ARHGAP26: variants seen among roughly 807,000 people sequenced by gnomAD.
The protein encoded by ARHGAP26 is Rho GTPase activating protein 26, also known as rho GTPase-activating protein 26.
A neutral mutation model predicts 104.8 loss-of-function variants in ARHGAP26; 38 were observed. The observed-to-expected ratio is 0.36, with a 90% confidence interval of 0.28 to 0.48. ARHGAP26 has a LOEUF of 0.48. Among genes scored for constraint, ARHGAP26 ranks in the 20% least tolerant of loss-of-function variants. ARHGAP26 has a pLI of 0.99. For synonymous variants in ARHGAP26, 341 were observed against 340.0 expected (o/e 1.00, Z -0.03); for missense variants, 704 against 947.9 (o/e 0.74, Z 3.38).
chr5:143,218,897 A>G (rs1177998916), intron 22 of ARHGAP26, among the ~76,000 whole-genome samples: 2 of 152,184 alleles, frequency 1.3e-5, no homozygotes, highest in Non-Finnish European at 1.5e-5. Context: ...TTCATTGTCT[A>G]CCAGCTATTA....
intron 18 of ARHGAP26, among the ~76,000 whole-genome samples, chr5:143,132,542 TAATG>T (rs1447215641): frequency 6.6e-6 from 1 of 152,142 alleles, no homozygotes; most frequent in Non-Finnish European, 1.5e-5. Flanking sequence ...AAGATTTTTT[TAATG>T]AATGAGGAAA....
intron 1 of ARHGAP26, among the ~76,000 whole-genome samples, chr5:142,845,349 A>G (rs1771717574): frequency 6.6e-6 from 1 of 152,168 alleles, no homozygotes; most frequent in Non-Finnish European, 1.5e-5. Context: ...TGCTTCACAG[A>G]TGAGGAAGCT....
At chr5:142,857,125 T>A (rs943745069) in intron 1 of ARHGAP26, among the ~76,000 whole-genome samples, 2 of 152,224 alleles carry the variant, frequency 1.3e-5, no homozygotes, top group East Asian at 1.9e-4. Context: ...TGTGTGTGTG[T>A]CCTCACTTCT....
rs951686164 is a variant in ARHGAP26, at chr5:143,224,920, C to T, written c.*2474C>T. The T allele has an allele frequency of 4.5e-5, 10 of 223,940 alleles. No individual in the cohort carries two copies. The highest frequency in any genetic ancestry group is 1.3e-4 in the African/African-American group (6 of 44,774). The allele number at this position is 223,940 out of a possible 1,614,324, so 13.9% of individuals were successfully genotyped here. On this transcript the variant is annotated 3_prime_UTR_variant, in exon 23 of 23. Coordinates refer to ENST00000645722, the MANE Select transcript of ARHGAP26 (RefSeq NM_001135608.3). ...GCTCAAGGATTATACAGCTCTTTTCCGGGAACTCACCCAGGAGCAAGCGAG... is the reference window on the plus strand; with the variant it reads ...GCTCAAGGATTATACAGCTCTTTTCTGGGAACTCACCCAGGAGCAAGCGAG...
At chr5:143,088,895 A>C (rs546146819) in intron 17 of ARHGAP26, among the ~76,000 whole-genome samples, 13 of 152,300 alleles carry the variant, frequency 8.5e-5, no homozygotes, top group African/African-American at 2.9e-4. Flanking sequence ...ATGACAGAGC[A>C]GATAATCGGA....
chr5:143,013,837 A>G (rs533141481), intron 11 of ARHGAP26, among the ~76,000 whole-genome samples: 85 of 152,318 alleles, frequency 5.6e-4, no homozygotes, highest in Non-Finnish European at 9.1e-4. Flanking sequence ...TTTCTTAAAA[A>G]GAGGGAATTT....
At chr5:143,041,913 T>C in intron 14 of ARHGAP26, 23 bp downstream of exon 14, 1 of 1,567,164 alleles carries the variant, frequency 6.4e-7, no homozygotes. Flanking sequence ...GTGGCTCTGC[T>C]AGGCAGGTCC....
chr5:142,781,554 A>G (rs565165617), intron 1 of ARHGAP26, among the ~76,000 whole-genome samples: 1 of 152,246 alleles, frequency 6.6e-6, no homozygotes, highest in African/African-American at 2.4e-5. Flanking sequence ...CCTGGGGGAA[A>G]AGGGAGGGGA....
intron 3 of ARHGAP26, among the ~76,000 whole-genome samples, chr5:142,878,469 C>G (rs1409323211): frequency 6.6e-6 from 1 of 152,010 alleles, no homozygotes; most frequent in African/African-American, 2.4e-5. Flanking sequence ...CAGCACTCTT[C>G]TTTGTTTTGG....
intron 2 of ARHGAP26, among the ~76,000 whole-genome samples, chr5:142,874,618 A>T (rs1057445764): frequency 6.6e-6 from 1 of 152,220 alleles, no homozygotes; most frequent in Non-Finnish European, 1.5e-5. Flanking sequence ...GCATTCTATT[A>T]ATGAGTGGCT....
At chr5:142,783,748 G>A (rs2151864175) in intron 1 of ARHGAP26, among the ~76,000 whole-genome samples, 1 of 152,362 alleles carries the variant, frequency 6.6e-6, no homozygotes, top group Non-Finnish European at 1.5e-5. Context: ...GCAGACCACA[G>A]CTGCTGCTGG....
intron 20 of ARHGAP26, among the ~76,000 whole-genome samples, chr5:143,182,242 G>A (rs148167758): frequency 2.2e-3 from 335 of 152,292 alleles, no homozygotes; most frequent in African/African-American, 7.6e-3. Context: ...GGAACACAAA[G>A]CACTCGGCTT....
At chr5:143,078,574 A>G (rs1241234627) in intron 17 of ARHGAP26, among the ~76,000 whole-genome samples, 2 of 152,168 alleles carry the variant, frequency 1.3e-5, no homozygotes, top group Non-Finnish European at 2.9e-5. Flanking sequence ...GTTTTCAGAT[A>G]ATAGTATTTT....
chr5:142,852,742 A>T (rs1483283625), intron 1 of ARHGAP26, among the ~76,000 whole-genome samples: 6 of 152,158 alleles, frequency 3.9e-5, no homozygotes, highest in Non-Finnish European at 7.4e-5. Context: ...GTTTCCCTGG[A>T]ACTCTGTCAT....
chr5:143,217,497 C>T (rs973955566), intron 22 of ARHGAP26, among the ~76,000 whole-genome samples: 4 of 152,202 alleles, frequency 2.6e-5, no homozygotes, highest in Admixed American at 2.6e-4. Context: ...CTGGAAAATG[C>T]ACATGGCAGT....
At chr5:142,951,025 C>G (rs1491003733) in intron 11 of ARHGAP26, among the ~76,000 whole-genome samples, 1 of 147,244 alleles carries the variant, frequency 6.8e-6, no homozygotes, top group Non-Finnish European at 1.5e-5. Context: ...TTCCCTTTCT[C>G]TTTCCCTTTC....
At chr5:142,880,866 A>T (rs1223627516) in intron 4 of ARHGAP26, among the ~76,000 whole-genome samples, 1 of 152,150 alleles carries the variant, frequency 6.6e-6, no homozygotes, top group Non-Finnish European at 1.5e-5. Flanking sequence ...TTTCAGAGGG[A>T]TGGTTGATTA....
intron 11 of ARHGAP26, among the ~76,000 whole-genome samples, chr5:142,955,114 ACACACACACACC>A (rs1475964818): frequency 5.9e-5 from 9 of 151,452 alleles, no homozygotes; most frequent in East Asian, 2.0e-4. Flanking sequence ...ACACACACAC[ACACACACACACC>A]CCCCATCTCT....
At chr5:143,218,615 G>T (rs1318400589) in intron 22 of ARHGAP26, among the ~76,000 whole-genome samples, 2 of 152,178 alleles carry the variant, frequency 1.3e-5, no homozygotes, top group African/African-American at 4.8e-5. Flanking sequence ...GTAGAGCCGA[G>T]AGAAAGTGGT....
Sources: gnomAD v4.1 joint callset for allele counts (sites outside exome capture counted in the v4.1 genomes callset) on GRCh38, gnomAD v4.1.1 for gene constraint, MANE v1.5 for transcripts, NCBI Gene and HGNC (gene_info 2026-07-23, HGNC 2026-07-21) for gene names.